The following ALG9 variants were observed in gnomAD, a reference collection of about 807,000 sequenced individuals.
ALG9 encodes alpha-1,2-mannosyltransferase ALG9.
ALG9 carries 55 observed loss-of-function variants against 81.8 expected under a neutral mutation model. The observed-to-expected ratio is 0.67, with a 90% CI of 0.54 to 0.84. ALG9 has a LOEUF of 0.84. Ranked by LOEUF, ALG9 falls within the 40% of genes least tolerant of loss-of-function variation. ALG9 has a pLI of 0.00. For missense variants in ALG9, 629 were observed against 745.0 expected, an observed-to-expected ratio of 0.84 and a Z score of 1.81; for synonymous variants, 278 against 274.3, an observed-to-expected ratio of 1.01 and a Z score of -0.13.
chr11:111,827,046 CAT>C (rs1426875315), intron 13 of ALG9, among the ~76,000 whole-genome samples: 1 of 152,108 alleles, frequency 6.6e-6, no homozygotes, highest in Non-Finnish European at 1.5e-5. Flanking sequence ...ATATGAAGAG[CAT>C]ATGTTTTTGT....
intron 5 of ALG9, among the ~76,000 whole-genome samples, chr11:111,858,556 A>G (rs1218342493): frequency 6.6e-6 from 1 of 152,218 alleles, no homozygotes; most frequent in Admixed American, 6.5e-5. Context: ...GCTGACACAG[A>G]TAATCTGGCC....
intron 14 of ALG9, chr11:111,805,333 T>C (rs781827372): frequency 2.4e-5 from 11 of 455,938 alleles, no homozygotes; most frequent in South Asian, 1.5e-4. Context: ...AAGTAAACGT[T>C]TGTTGTTTAA....
At position 111,857,609 on chromosome 11, in the gene ALG9, C is replaced by G. The variant is rs36111204; in HGVS notation, c.694G>C (p.Ala232Pro). The G allele has an allele frequency of 4.4e-4, 718 of 1,614,126 alleles. No individual in the cohort carries two copies. The highest frequency in any genetic ancestry group is 9.9e-4 in the Middle Eastern group (6 of 6,062). ...GAILGWPFSA[A>P]LGLPIAFDLL... ...GAACTGTTAGTTTCTTACCCAAGAG[C>G]TGCACTGAATGGCCAGCCTAAGATA... is the stretch of plus-strand genomic sequence containing the variant. The change falls in exon 6 of 15, where the codon GCT becomes CCT. Residue 232 changes from alanine to proline, a missense_variant. Physicochemically the swap from Ala to Pro is conservative, Grantham distance 27 (BLOSUM62 -1). Coordinates refer to ENST00000616540, the MANE Select transcript of ALG9 (RefSeq NM_024740.2).
intron 14 of ALG9, among the ~76,000 whole-genome samples, chr11:111,787,628 T>G (rs1214914899): frequency 6.6e-6 from 1 of 151,544 alleles, no homozygotes; most frequent in Non-Finnish European, 1.5e-5. Flanking sequence ...GGCTAATTTT[T>G]TTGTATTTTT....
At position 111,834,303 on chromosome 11, in the gene ALG9, G is replaced by A. The variant is rs377554058; in HGVS notation, c.1602+1862C>T. Among the ~76,000 whole-genome samples, 59 of 152,236 alleles carry A rather than the reference G, an allele frequency of 3.9e-4. 2 individuals are homozygous for A. In the South Asian group the frequency reaches 0.011, roughly 29 times the overall value. On this transcript the variant is annotated intron_variant, in intron 13 of 14. Transcript: ENST00000616540. The stretch of plus-strand genomic sequence containing the variant: ...TTCAGGCATAGTCACCAATATAAGC[G>A]AAGTCACTGGGGTGGAAAACGCAAT...
intron 6 of ALG9, among the ~76,000 whole-genome samples, chr11:111,854,210 C>A (rs1555141606): frequency 1.3e-5 from 2 of 150,334 alleles, no homozygotes; most frequent in Admixed American, 1.3e-4. Context: ...CATTCTCCTG[C>A]CTCAGGCTCC....
intron 14 of ALG9, among the ~76,000 whole-genome samples, chr11:111,806,615 C>A (rs1017041300): frequency 1.3e-5 from 2 of 152,122 alleles, no homozygotes; most frequent in African/African-American, 4.8e-5. Flanking sequence ...GGCCTCATCT[C>A]GTCCCTAACT....
chr11:111,806,441 TTC>T (rs1486597897), intron 14 of ALG9, among the ~76,000 whole-genome samples: 1 of 152,334 alleles, frequency 6.6e-6, no homozygotes, highest in African/African-American at 2.4e-5. Context: ...TATCAACAGC[TTC>T]TGACACAGGT....
chr11:111,860,695 A>C, intron 4 of ALG9, 60 bp from the exon 5 acceptor site: 1 of 1,337,840 alleles, frequency 7.5e-7, no homozygotes, highest in Non-Finnish European at 1.1e-6. Context: ...TTTCAAATCA[A>C]AGGAGAAAAA....
rs1209075955 is a variant in ALG9 at position 111,844,512 on chromosome 11, AAAGT to A, written c.1018+85_1018+88del. On this transcript the variant is annotated intron_variant, in intron 9 of 14. Coordinates refer to ENST00000616540, the MANE Select transcript of ALG9 (RefSeq NM_024740.2). ...TTTCCATAGGAAGAATGTGGAAAATAAAGTAAGTAGGATTTTCCTTCAGTTCTTG... is the reference window on the plus strand; with the variant it reads ...TTTCCATAGGAAGAATGTGGAAAATAAAGTAGGATTTTCCTTCAGTTCTTG... The A allele has an allele frequency of 5.1e-6, 8 of 1,570,124 alleles. No homozygotes were observed. The East Asian group carries it at 1.6e-4, about 31-fold the overall frequency.
rs1555157382 is a variant in ALG9 at position 111,870,382 on chromosome 11, C to CCAAA, written c.132-13_132-12insTTTG. 4.6e-4 allele frequency: 450 copies of CCAAA among 972,940 alleles called. 5 individuals carry two copies. The highest frequency in any genetic ancestry group is 1.7e-3 in the South Asian group (71 of 42,822). The allele number at this position is 972,940 out of a possible 1,614,324, so 60.3% of individuals were successfully genotyped here. ...TGTTCCCAGATAACCTGTTCAAAAG[C>CCAAA]AAAAAAAAAAAAAAAAAAAAAAGCA... On this transcript the variant is annotated splice_polypyrimidine_tract_variant and intron_variant, in intron 1 of 14. Transcript: ENST00000616540.
chr11:111,769,392 G>C, the ALG9 span: 1 of 153,318 alleles, frequency 6.5e-6, no homozygotes, highest in African/African-American at 2.4e-5. Flanking sequence ...GCCGAGATAG[G>C]AGGATTGCTT....
chr11:111,836,287 G>A lies in ALG9; in HGVS notation c.1480C>T (p.Leu494Phe). ...SSFLLPDNWQ[L>F]QFIPSEFRGQ... ...CTGAACTCTGATGGAATGAACTGAA[G>A]CTGCCAACTGTCAGAAACACAAGGA... The change falls in exon 13 of 15, where the codon CTT becomes TTT. Residue 494 changes from leucine to phenylalanine, a missense_variant. Coordinates refer to ENST00000616540, the MANE Select transcript of ALG9 (RefSeq NM_024740.2). The A allele has an allele frequency of 6.2e-7, 1 of 1,614,114 alleles. No individual in the cohort carries two copies. The highest frequency in any genetic ancestry group is 8.5e-7 in the Non-Finnish European group (1 of 1,179,984).
chr11:111,853,689 C>T lies in ALG9; in HGVS notation c.749G>A (p.Ser250Asn). The stretch of plus-strand genomic sequence containing the variant: ...GGCCATCAGCGACCAATGAAAGAAA[C>T]TCTTCCACCTGTGTTTCATGACCAG... ...DLLVMKHRWKSFFHWSLMALI... is the reference protein window; with the variant it reads ...DLLVMKHRWKNFFHWSLMALI... The change falls in exon 7 of 15, where the codon AGT (serine) becomes AAT (asparagine). Residue 250 changes from serine (S) to asparagine (N), a missense_variant. Around this residue, in one of 3 missense-constraint regions of ALG9, gnomAD observed 344 missense variants for 390.5 expected, o/e 0.88. Coordinates refer to ENST00000616540, the MANE Select transcript of ALG9 (RefSeq NM_024740.2). 1.2e-6 allele frequency: 2 copies of T among 1,614,164 alleles called. No individual in the cohort carries two copies. The highest frequency in any genetic ancestry group is 1.7e-6 in the Non-Finnish European group (2 of 1,180,018).
At chr11:111,828,496 T>C (rs1953763002) in intron 13 of ALG9, among the ~76,000 whole-genome samples, 2 of 152,242 alleles carry the variant, frequency 1.3e-5, no homozygotes, top group South Asian at 4.1e-4. Context: ...TGTAAATTGG[T>C]AAACCACATC....
chr11:111,844,570 C>A (rs1555127092), intron 9 of ALG9, 31 bp downstream of exon 9: 1 of 1,613,312 alleles, frequency 6.2e-7, no homozygotes, highest in African/African-American at 1.3e-5. Context: ...TCTTTCCTCC[C>A]AAAACACCTA....
intron 13 of ALG9, among the ~76,000 whole-genome samples, chr11:111,822,408 C>CAA (rs56367678): frequency 0.12 from 7,642 of 65,752 alleles, 877 homozygotes; most frequent in Middle Eastern, 0.15. Context: ...AACTCAGTCT[C>CAA]AAAAAAAAAA....
In ALG9 at chr11:111,838,203, G is replaced by C. The variant is rs372098950; in HGVS notation, c.1324+46C>G. 18 of 1,608,210 alleles carry C rather than the reference G, an allele frequency of 1.1e-5. No individual in the cohort carries two copies. In the African/African-American group the frequency reaches 1.6e-4, roughly 14 times the overall value. On this transcript the variant is annotated intron_variant, in intron 11 of 14. Coordinates refer to ENST00000616540, the MANE Select transcript of ALG9 (RefSeq NM_024740.2). ...ATCATGAATCAAGTAAAACCTAAGA[G>C]CAAGTGACTCGTCAGTGTAGGTTAA... is the stretch of plus-strand genomic sequence containing the variant.
rs1555062977 is a variant in ALG9, at chr11:111,786,087, T to C, written c.*310A>G. 6.4e-6 allele frequency: 3 copies of C among 469,120 alleles called. No individual in the cohort carries two copies. The highest frequency in any genetic ancestry group is 1.3e-5 in the Non-Finnish European group (3 of 235,512). The allele number at this position is 469,120 out of a possible 1,614,324, so 29.1% of individuals were successfully genotyped here. A position where few individuals can be genotyped will look rare whatever the true frequency, so the allele number is the denominator to read the frequency against. On this transcript the variant is annotated 3_prime_UTR_variant, in exon 15 of 15. Coordinates refer to ENST00000616540, the MANE Select transcript of ALG9 (RefSeq NM_024740.2). ...TCTTCCTGTAAGTTGGTTCTGCTCT[T>C]CTCCGGTCTAGTAAATAATTGAACA...
Sources: allele counts gnomAD v4.1 joint callset (sites outside exome capture counted in the v4.1 genomes callset), GRCh38; gene constraint gnomAD v4.1.1; regional missense constraint gnomAD v4.1.1; transcripts MANE v1.5; gene names NCBI Gene and HGNC (gene_info 2026-07-23, HGNC 2026-07-21).